The following ORC2 variants were observed in gnomAD, a reference collection of about 807,000 sequenced individuals.
ORC2 encodes the protein origin recognition complex protein 2 homolog.
Under a neutral mutation model 77.7 loss-of-function variants are expected in ORC2, and 37 were observed. That is an observed-to-expected ratio of 0.48 (90% CI 0.37 to 0.63). The LOEUF is 0.63. Ranked by LOEUF, ORC2 falls within the 20% of genes least tolerant of loss-of-function variation. The pLI is 0.00. For missense variants in ORC2, 557 were observed against 661.9 expected (o/e 0.84, Z 1.74); for synonymous variants, 201 against 229.5 (o/e 0.88, Z 1.12).
intron 13 of ORC2, among the ~76,000 whole-genome samples, chr2:200,923,743 CA>C: frequency 6.6e-6 from 1 of 151,944 alleles, no homozygotes; most frequent in South Asian, 2.1e-4. Flanking sequence ...TTTAAACAGC[CA>C]AATCACCAAC....
chr2:200,917,767 T>G (rs1233263864), intron 15 of ORC2, among the ~76,000 whole-genome samples: 4 of 152,136 alleles, frequency 2.6e-5, no homozygotes, highest in Admixed American at 2.0e-4. Context: ...GGGAGGAGGG[T>G]ACATGAGACT....
chr2:200,928,813 C>CA (rs1189720169), intron 11 of ORC2, among the ~76,000 whole-genome samples: 1,473 of 121,790 alleles, frequency 0.012, 20 homozygotes, highest in African/African-American at 0.038. Flanking sequence ...GACTCTGTCT[C>CA]AAAAAAAAAA....
chr2:200,936,102 G>A (rs1355179602), intron 8 of ORC2, among the ~76,000 whole-genome samples: 1 of 152,182 alleles, frequency 6.6e-6, no homozygotes, highest in Non-Finnish European at 1.5e-5. Context: ...AAACCATTAG[G>A]AAGATTACAT....
rs754142901 is a variant in ORC2 at position 200,911,361 on chromosome 2, TAATA to T, written c.1670_1673del (p.Leu557Ter). The T allele has an allele frequency of 1.2e-6, 2 of 1,601,710 alleles. No individual in the cohort carries two copies. The highest frequency in any genetic ancestry group is 1.7e-6 in the Non-Finnish European group (2 of 1,168,772). ...TCAATGTTCCATTATCAACAGGAAT[TAATA>T]AATACTCTACTCCATCAGTTCCCTG... On this transcript the variant is annotated frameshift_variant, in exon 18 of 18. Coordinates refer to ENST00000234296, the MANE Select transcript of ORC2 (RefSeq NM_006190.5). LOFTEE classifies it high-confidence loss of function.
At chr2:200,915,643 G>T (rs1471437461) in intron 15 of ORC2, among the ~76,000 whole-genome samples, 2 of 151,962 alleles carry the variant, frequency 1.3e-5, no homozygotes, top group Non-Finnish European at 2.9e-5. Flanking sequence ...AATTTTCATT[G>T]TTATGCAGGT....
intron 11 of ORC2, 55 bp downstream of exon 11, chr2:200,931,280 TAAAG>T (rs2040933467): frequency 4.2e-6 from 3 of 708,640 alleles, no homozygotes; most frequent in Admixed American, 6.7e-5. Flanking sequence ...TACTTTAACA[TAAAG>T]ATTCATGTAA....
In ORC2 at chr2:200,935,343, G is replaced by A. The variant is rs16835960; in HGVS notation, c.708+356C>T. Among the ~76,000 whole-genome samples, 384 of 152,154 alleles carry A rather than the reference G, an allele frequency of 2.5e-3. 8 individuals carry two copies. Among genetic ancestry groups the A allele is most frequent in the East Asian group, 0.019 (99 of 5,168 alleles). The stretch of plus-strand genomic sequence containing the variant: ...TCACCATGTTGGCCAGGCTGGTCTC[G>A]AACTCCTGACCTCAGGTGATCCACC... On this transcript the variant is annotated intron_variant, in intron 9 of 17. Coordinates refer to ENST00000234296, the MANE Select transcript of ORC2 (RefSeq NM_006190.5).
chr2:200,915,317 C>CTT lies in ORC2; in HGVS notation c.1467-1327_1467-1326dup, dbSNP rs201018427. ...CTTCTCCTAAACAAGTTTTTCTTTT[C>CTT]TTTTTTTTTGCCACATGTAAGAAGA... is the stretch of plus-strand genomic sequence containing the variant. On this transcript the variant is annotated intron_variant, in intron 15 of 17. Transcript: ENST00000234296. 4.0e-3 allele frequency among the ~76,000 whole-genome samples: 598 copies of CTT among 150,880 alleles called. 2 individuals carry two copies. The highest frequency in any genetic ancestry group is 0.014 in the African/African-American group (572 of 41,164).
intron 10 of ORC2, among the ~76,000 whole-genome samples, chr2:200,933,269 T>C (rs537959712): frequency 1.9e-3 from 276 of 147,492 alleles, no homozygotes; most frequent in African/African-American, 6.3e-3. Flanking sequence ...ACTGGAACCA[T>C]GGTACATAGT....
At chr2:200,963,444 C>A (rs2125048845) in intron 1 of ORC2, 46 bp downstream of exon 1, 1 of 398,686 alleles carries the variant, frequency 2.5e-6, no homozygotes, top group Non-Finnish European at 4.4e-6. Context: ...ACGCCGCGAG[C>A]TAAGCAGAAA....
intron 15 of ORC2, among the ~76,000 whole-genome samples, chr2:200,919,910 AT>A (rs2040727246): frequency 6.6e-6 from 1 of 152,236 alleles, no homozygotes; most frequent in South Asian, 2.1e-4. Context: ...TCAATATGTA[AT>A]GAAAAATAAC....
intron 7 of ORC2, among the ~76,000 whole-genome samples, chr2:200,939,174 C>T (rs1266243570): frequency 6.6e-6 from 1 of 151,812 alleles, no homozygotes; most frequent in Non-Finnish European, 1.5e-5. Flanking sequence ...ACCCAGTACA[C>T]GTGTATATAT....
At chr2:200,932,752 T>C (rs770132850) in intron 10 of ORC2, among the ~76,000 whole-genome samples, 4 of 152,142 alleles carry the variant, frequency 2.6e-5, no homozygotes, top group South Asian at 2.1e-4. Flanking sequence ...CTGTAAGAGA[T>C]TGTGTGTTTT....
intron 5 of ORC2, among the ~76,000 whole-genome samples, chr2:200,947,333 C>T (rs2041268518): frequency 6.6e-6 from 1 of 152,134 alleles, no homozygotes; most frequent in African/African-American, 2.4e-5. Context: ...AAAAACTAAA[C>T]TGATTTTGGC....
In ORC2 at chr2:200,959,455, A is replaced by G. The variant is rs2041529748; in HGVS notation, c.-59-15T>C. 6.6e-6 allele frequency: 1 copy of G among 152,268 alleles called. No homozygotes were observed. The highest frequency in any genetic ancestry group is 1.5e-5 in the Non-Finnish European group (1 of 68,046). The allele number at this position is 152,268 out of a possible 1,614,324, so 9.4% of individuals were successfully genotyped here. ...GATACAGTCACCTGTAATTGGAAAA[A>G]TAACTCAGTCAGGGTCAGCTAGCAG... On this transcript the variant is annotated splice_polypyrimidine_tract_variant and intron_variant, in intron 1 of 17. Coordinates refer to ENST00000234296, the MANE Select transcript of ORC2 (RefSeq NM_006190.5).
chr2:200,954,508 G>A (rs2041428527), intron 4 of ORC2, among the ~76,000 whole-genome samples: 1 of 152,146 alleles, frequency 6.6e-6, no homozygotes, highest in Non-Finnish European at 1.5e-5. Flanking sequence ...AAACGTAATG[G>A]TGCAAGCTTA....
chr2:200,961,352 G>T lies in ORC2; in HGVS notation c.-59-1912C>A, dbSNP rs376461674. On this transcript the variant is annotated intron_variant, in intron 1 of 17. Transcript: ENST00000234296. Reference sequence around the variant, plus strand: ...TTTTTGTATTTTTTTGTAGAGACGGGGTTTCCCCATGTTGCCCAGGCTGGC... The same window carrying T: ...TTTTTGTATTTTTTTGTAGAGACGGTGTTTCCCCATGTTGCCCAGGCTGGC... 9.3e-5 allele frequency among the ~76,000 whole-genome samples: 14 copies of T among 151,160 alleles called. 1 individual carries two copies. Among genetic ancestry groups the T allele is most frequent in the African/African-American group, 3.4e-4 (14 of 41,162 alleles).
chr2:200,963,347 T>G (rs942134716), intron 1 of ORC2, 143 bp downstream of exon 1: 1 of 397,580 alleles, frequency 2.5e-6, no homozygotes, highest in Admixed American at 4.4e-5. Context: ...ATGCCCCAAG[T>G]GCCGAGGGAA....
chr2:200,920,084 C>A, intron 15 of ORC2, 138 bp downstream of exon 15: 1 of 583,056 alleles, frequency 1.7e-6, no homozygotes, highest in East Asian at 2.8e-5. Flanking sequence ...CTCCATAATC[C>A]AGTACTGGTA....
Sources: allele counts gnomAD v4.1 joint callset (sites outside exome capture counted in the v4.1 genomes callset), GRCh38; gene constraint gnomAD v4.1.1; transcripts MANE v1.5; gene names NCBI Gene and HGNC (gene_info 2026-07-23, HGNC 2026-07-21).